FOXK1: variants seen among roughly 807,000 people sequenced by gnomAD.
FOXK1 encodes forkhead box K1, also known as forkhead box protein K1.
In FOXK1, 19 loss-of-function variants were observed where a neutral mutation model predicts 51.9. The ratio of observed to expected loss-of-function variants is 0.37; its 90% CI spans 0.26 to 0.54. FOXK1 has a LOEUF of 0.54. FOXK1 is among the 20% of genes least tolerant of loss of function. The probability of loss-of-function intolerance (pLI) is 0.87; values close to 1 mark genes in which losing one functional copy is unlikely to be tolerated. For synonymous variants in FOXK1, 537 were observed against 482.6 expected, an observed-to-expected ratio of 1.11 and a Z score of -1.48; for missense variants, 870 against 1,032.7, an observed-to-expected ratio of 0.84 and a Z score of 2.16.
chr7:4,691,604 G>A (rs941848107), intron 1 of FOXK1, among the ~76,000 whole-genome samples: 3 of 152,136 alleles, frequency 2.0e-5, no homozygotes, highest in Admixed American at 6.6e-5. Flanking sequence ...CCAAAGTGCT[G>A]GGATTTCAGG....
rs1781038413 is a variant in FOXK1 at position 4,767,938 on chromosome 7, T to A, written c.*5474T>A. 1 of 152,044 alleles carries A rather than the reference T, an allele frequency of 6.6e-6. No individual in the cohort carries two copies. Among genetic ancestry groups the A allele is most frequent in the Admixed American group, 6.6e-5 (1 of 15,258 alleles). The allele number at this position is 152,044 out of a possible 1,614,324, so 9.4% of individuals were successfully genotyped here. A position where few individuals can be genotyped will look rare whatever the true frequency, so the allele number is the denominator to read the frequency against. The stretch of plus-strand genomic sequence containing the variant: ...CCTTACCCACACCGTGCGGCTTGAA[T>A]TCTGTCGGAGTTGAATCTGTGGAAA... On this transcript the variant is annotated 3_prime_UTR_variant, in exon 9 of 9. Coordinates refer to ENST00000328914, the MANE Select transcript of FOXK1 (RefSeq NM_001037165.2). The surrounding 1 kb of genome is among the most constrained non-coding windows in gnomAD (Gnocchi z 6.6).
intron 1 of FOXK1, among the ~76,000 whole-genome samples, chr7:4,716,427 G>A (rs1780235828): frequency 6.6e-6 from 1 of 152,178 alleles, no homozygotes; most frequent in Non-Finnish European, 1.5e-5. Context: ...GATCACTTGA[G>A]CCTGGGAGTT....
chr7:4,714,722 C>G (rs964988560), intron 1 of FOXK1, among the ~76,000 whole-genome samples: 1 of 152,158 alleles, frequency 6.6e-6, no homozygotes, highest in South Asian at 2.1e-4. Flanking sequence ...GTTACATTCC[C>G]GCGGTTCAAA....
Position 4,716,327 on chromosome 7 carries a change from C to G in FOXK1, c.561-24511C>G, listed in dbSNP as rs958637050. Reference sequence around the variant, plus strand: ...CCAGCCTGGGTAACATAGCAAGACCCTGTTTCTACAAAAAAAAATTTTGTT... The same window carrying G: ...CCAGCCTGGGTAACATAGCAAGACCGTGTTTCTACAAAAAAAAATTTTGTT... On this transcript the variant is annotated intron_variant, in intron 1 of 8. Transcript: ENST00000328914. 1.1e-4 allele frequency among the ~76,000 whole-genome samples: 16 copies of G among 151,928 alleles called. 1 individual carries two copies.
At chr7:4,710,033 G>T (rs1014483963) in intron 1 of FOXK1, among the ~76,000 whole-genome samples, 2 of 152,186 alleles carry the variant, frequency 1.3e-5, no homozygotes, top group Admixed American at 6.5e-5. Context: ...TTAGTTCAGC[G>T]CCACTTCTTC....
At position 4,762,185 on chromosome 7, in the gene FOXK1, C is replaced by G. The variant is rs1178201746; in HGVS notation, c.1923C>G (p.Ala641=). The G allele has an allele frequency of 6.5e-7, 1 of 1,549,068 alleles. No individual in the cohort carries two copies. The highest frequency in any genetic ancestry group is 1.4e-5 in the African/African-American group (1 of 72,942). ...PTNSLAGNAY[A]LTSPLQLLAT... is the part of the protein sequence containing the mutation. ...AACCCTCTTCTTCCTCCACTCCAGC[C>G]CTCACCAGCCCTTTGCAGCTCCTTG... The change falls in exon 9 of 9, where the codon GCC becomes GCG. Residue 641 remains alanine, a splice_region_variant and synonymous_variant. Coordinates refer to ENST00000328914, the MANE Select transcript of FOXK1 (RefSeq NM_001037165.2). The surrounding 1 kb of genome is among the most constrained non-coding windows in gnomAD (Gnocchi z 5.7).
intron 1 of FOXK1, among the ~76,000 whole-genome samples, chr7:4,732,330 A>G (rs13230507): frequency 0.026 from 3,941 of 152,148 alleles, 82 homozygotes; most frequent in Non-Finnish European, 0.041. Flanking sequence ...ACAGTTCTCC[A>G]TTCATTCATT....
chr7:4,763,840 C>A lies in FOXK1; in HGVS notation c.*1376C>A, dbSNP rs1371021654. On this transcript the variant is annotated 3_prime_UTR_variant, in exon 9 of 9. Coordinates refer to ENST00000328914, the MANE Select transcript of FOXK1 (RefSeq NM_001037165.2). The stretch of plus-strand genomic sequence containing the variant: ...TGTGTCTTGGAGATGCGAAGTGCGT[C>A]CTCGTAAAGGTCAGCTGTCAGTTTT... 2.0e-5 allele frequency: 3 copies of A among 152,314 alleles called. No homozygotes were observed. Among genetic ancestry groups the A allele is most frequent in the Admixed American group, 2.0e-4 (3 of 15,292 alleles). The allele number at this position is 152,314 out of a possible 1,614,324, so 9.4% of individuals were successfully genotyped here.
At chr7:4,695,053 C>T (rs545959627) in intron 1 of FOXK1, among the ~76,000 whole-genome samples, 6 of 152,344 alleles carry the variant, frequency 3.9e-5, no homozygotes, top group South Asian at 2.1e-4. Flanking sequence ...TACTGCCAGA[C>T]AACAGAACAG....
rs554319409 is a variant in FOXK1 at position 4,746,526 on chromosome 7, A to T, written c.746+5503A>T. 3.1e-3 allele frequency among the ~76,000 whole-genome samples: 464 copies of T among 151,738 alleles called. 2 individuals carry two copies. The highest frequency in any genetic ancestry group is 3.6e-3 in the Non-Finnish European group (242 of 67,906). On this transcript the variant is annotated intron_variant, in intron 2 of 8. Transcript: ENST00000328914. Reference sequence around the variant, plus strand: ...GAGACCCCCATCTCTAAAAAAAAAAATTTTTTTGCTAATTAGCCAGGTGCA... The same window carrying T: ...GAGACCCCCATCTCTAAAAAAAAAATTTTTTTTGCTAATTAGCCAGGTGCA...
Position 4,743,039 on chromosome 7 carries a change from G to A in FOXK1, c.746+2016G>A, listed in dbSNP as rs567792005. Among the ~76,000 whole-genome samples, 5 of 152,290 alleles carry A rather than the reference G, an allele frequency of 3.3e-5. No individual in the cohort carries two copies. The South Asian group carries it at 6.2e-4, about 19-fold the overall frequency. On this transcript the variant is annotated intron_variant, in intron 2 of 8. Transcript: ENST00000328914. The surrounding 1 kb of genome is among the most constrained non-coding windows in gnomAD (Gnocchi z 5.3). The stretch of plus-strand genomic sequence containing the variant: ...GTCACTTCAGCCCCCCACCTTCCCG[G>A]GCCCGGTTCCCGTCTGAGTCAGTGC...
At chr7:4,750,545 C>G (rs1362621471) in intron 2 of FOXK1, among the ~76,000 whole-genome samples, 1 of 151,814 alleles carries the variant, frequency 6.6e-6, no homozygotes. Flanking sequence ...CAGGTTCACG[C>G]CATTCTCCTG....
intron 1 of FOXK1, among the ~76,000 whole-genome samples, chr7:4,704,156 A>C (rs1429536072): frequency 6.6e-5 from 10 of 152,154 alleles, no homozygotes; most frequent in Admixed American, 6.6e-4. Context: ...ATGCATTGCT[A>C]AGAAACATCC....
intron 1 of FOXK1, among the ~76,000 whole-genome samples, chr7:4,693,767 C>A (rs1273574727): frequency 6.6e-6 from 1 of 152,176 alleles, no homozygotes. Flanking sequence ...CGGTCTTGTT[C>A]TGTTGCCCAG....
rs1219270517 is a variant in FOXK1 at position 4,703,315 on chromosome 7, G to A, written c.560+20447G>A. Among the ~76,000 whole-genome samples, 1 of 152,204 alleles carries A rather than the reference G, an allele frequency of 6.6e-6. No homozygotes were observed. The highest frequency in any genetic ancestry group is 1.9e-4 in the East Asian group (1 of 5,190). On this transcript the variant is annotated intron_variant, in intron 1 of 8. Coordinates refer to ENST00000328914, the MANE Select transcript of FOXK1 (RefSeq NM_001037165.2). This position sits in a 1 kb window ranked among gnomAD's most constrained non-coding sequence, Gnocchi z 5.6. ...GGGAGGGAGGGGGAGGACCCGAGGG[G>A]GCAGAGCATTTAGGACATGGAGTGG...
intron 1 of FOXK1, among the ~76,000 whole-genome samples, chr7:4,704,107 T>C (rs191435173): frequency 6.6e-6 from 1 of 152,284 alleles, no homozygotes; most frequent in Admixed American, 6.5e-5. Flanking sequence ...AAGGGTACAC[T>C]ATGGACATTT....
intron 7 of FOXK1, chr7:4,759,881 A>C: frequency 3.4e-5 from 17 of 501,634 alleles, no homozygotes; most frequent in East Asian, 7.1e-5. Context: ...AAATACAAAA[A>C]TTAGCCAGGC....
At chr7:4,716,771 T>G (rs1271739206) in intron 1 of FOXK1, among the ~76,000 whole-genome samples, 1 of 152,226 alleles carries the variant, frequency 6.6e-6, no homozygotes, top group Non-Finnish European at 1.5e-5. Flanking sequence ...TTTTACTGGT[T>G]TGGAGCTGGC....
At chr7:4,687,352 G>A (rs751568215) in intron 1 of FOXK1, among the ~76,000 whole-genome samples, 1 of 151,872 alleles carries the variant, frequency 6.6e-6, no homozygotes, top group Non-Finnish European at 1.5e-5. Flanking sequence ...GAGTGCAGGG[G>A]TGTGATCTCA....
Sources: gnomAD v4.1 joint callset for allele counts (sites outside exome capture counted in the v4.1 genomes callset) on GRCh38, gnomAD v4.1.1 for gene constraint, Gnocchi (gnomAD v3.1) non-coding constraint, MANE v1.5 for transcripts, NCBI Gene and HGNC (gene_info 2026-07-23, HGNC 2026-07-21) for gene names.